The following FRK variants were observed in gnomAD, a reference collection of about 807,000 sequenced individuals.
FRK encodes the protein fyn related Src family tyrosine kinase, also known as tyrosine-protein kinase FRK.
A neutral mutation model predicts 56.4 loss-of-function variants in FRK; 51 were observed. That is an observed-to-expected ratio of 0.90 (90% CI 0.72 to 1.14). The LOEUF is 1.14. FRK is among the 50% of genes most tolerant of loss of function. FRK has a pLI of 0.00. For missense variants in FRK, 570 were observed against 601.4 expected (o/e 0.95, Z 0.55); for synonymous variants, 245 against 217.9 (o/e 1.12, Z -1.10).
At chr6:116,043,463 T>C (rs1490863353) in intron 1 of FRK, among the ~76,000 whole-genome samples, 1 of 152,246 alleles carries the variant, frequency 6.6e-6, no homozygotes, top group Admixed American at 6.5e-5. Context: ...ACATGGAAAC[T>C]GAACAACCTG....
the FRK span, among the ~76,000 whole-genome samples, chr6:116,072,318 G>C: frequency 6.6e-6 from 1 of 152,112 alleles, no homozygotes; most frequent in Middle Eastern, 3.4e-3. Flanking sequence ...ATCTGAGGAT[G>C]GGGTAAAAAA....
intron 1 of FRK, among the ~76,000 whole-genome samples, chr6:116,020,367 C>G (rs920732708): frequency 1.1e-4 from 17 of 152,154 alleles, no homozygotes; most frequent in African/African-American, 4.1e-4. Context: ...TCTTGGCTCA[C>G]TGCAACCTCC....
chr6:115,944,716 A>T (rs1056964720), intron 5 of FRK, among the ~76,000 whole-genome samples: 2 of 152,074 alleles, frequency 1.3e-5, no homozygotes, highest in African/African-American at 2.4e-5. Flanking sequence ...TTTCTTTTTT[A>T]AAAAATTTAT....
chr6:115,983,921 TC>T (rs1185245738), intron 2 of FRK, among the ~76,000 whole-genome samples: 2 of 152,144 alleles, frequency 1.3e-5, no homozygotes, highest in Non-Finnish European at 2.9e-5. Flanking sequence ...ATAACAGAAT[TC>T]TCCACTGCAT....
intron 2 of FRK, among the ~76,000 whole-genome samples, chr6:115,989,150 C>T (rs943969417): frequency 1.3e-5 from 2 of 151,758 alleles, no homozygotes; most frequent in African/African-American, 4.8e-5. Context: ...TTTATCATGG[C>T]CAAATTGATA....
chr6:115,989,523 TGTAA>T (rs1774512850), intron 2 of FRK, among the ~76,000 whole-genome samples: 1 of 151,936 alleles, frequency 6.6e-6, no homozygotes, highest in Non-Finnish European at 1.5e-5. Flanking sequence ...AACTTCCACT[TGTAA>T]GTGAGAACAT....
intron 1 of FRK, among the ~76,000 whole-genome samples, chr6:116,008,481 T>C (rs1775337709): frequency 6.6e-6 from 1 of 152,246 alleles, no homozygotes; most frequent in Non-Finnish European, 1.5e-5. Context: ...GTTTTCTGCA[T>C]GTAGTGGCAT....
the FRK span, among the ~76,000 whole-genome samples, chr6:116,094,653 A>G: frequency 1.3e-5 from 2 of 152,266 alleles, no homozygotes; most frequent in Non-Finnish European, 1.5e-5. Flanking sequence ...TGGCAGTCTT[A>G]CACTACCAAA....
chr6:116,044,485 C>A (rs1776859827), intron 1 of FRK, among the ~76,000 whole-genome samples: 1 of 152,186 alleles, frequency 6.6e-6, no homozygotes, highest in Non-Finnish European at 1.5e-5. Context: ...ACAAAAACTA[C>A]ATGATTATCT....
At chr6:115,946,148 A>G (rs1218186984) in intron 5 of FRK, among the ~76,000 whole-genome samples, 1 of 152,148 alleles carries the variant, frequency 6.6e-6, no homozygotes, top group East Asian at 1.9e-4. Context: ...AATAAGCTGA[A>G]TACTACATAA....
the FRK span, among the ~76,000 whole-genome samples, chr6:116,098,932 C>T: frequency 1.3e-5 from 2 of 152,126 alleles, no homozygotes; most frequent in Non-Finnish European, 2.9e-5. Flanking sequence ...AGAAAGAGTA[C>T]AAGCCTCTAG....
chr6:116,013,227 G>A (rs1358517426), intron 1 of FRK, among the ~76,000 whole-genome samples: 2 of 152,120 alleles, frequency 1.3e-5, no homozygotes, highest in African/African-American at 4.8e-5. Flanking sequence ...ACTTCCCTGA[G>A]TCTGGTAATC....
intron 7 of FRK, 146 bp downstream of exon 7, chr6:115,942,873 CA>C: frequency 1.2e-6 from 1 of 808,186 alleles, no homozygotes; most frequent in South Asian, 1.9e-5. Flanking sequence ...TGCAAATTAT[CA>C]TCATCAAATT....
intron 2 of FRK, among the ~76,000 whole-genome samples, chr6:115,978,141 A>G (rs1774054876): frequency 6.6e-6 from 1 of 152,174 alleles, no homozygotes; most frequent in Non-Finnish European, 1.5e-5. Context: ...CCAGGAATTA[A>G]CATACTTGGA....
At chr6:116,062,222 C>CTT, upstream of FRK, among the ~76,000 whole-genome samples, 1 of 152,082 alleles carries the variant, frequency 6.6e-6, no homozygotes, top group East Asian at 1.9e-4. Context: ...AAGCCAAAAG[C>CTT]TGAGCCAAAT....
At chr6:115,950,485 G>A (rs1167888674) in intron 5 of FRK, among the ~76,000 whole-genome samples, 2 of 152,224 alleles carry the variant, frequency 1.3e-5, no homozygotes, top group Admixed American at 6.5e-5. Context: ...TGTCATGTCA[G>A]TTAGAATGGG....
rs759112703 is a variant in FRK at position 116,003,958 on chromosome 6, G to A, written c.385C>T (p.Gln129Ter). ...GTCTTGTTTTCTGAATATAATAGTT[G>A]TTTCTCTGCATCTGATCTTCCGATT... is the stretch of plus-strand genomic sequence containing the variant. ...GAIGRSDAEK[Q>*]LLYSENKTGS... Residue 129 changes from glutamine to a stop codon, truncating the protein, a stop_gained, in exon 2 of 8, where the codon CAA becomes TAA. Coordinates refer to ENST00000606080, the MANE Select transcript of FRK (RefSeq NM_002031.3). LOFTEE classifies it high-confidence loss of function. 41 of 1,612,812 alleles carry A rather than the reference G, an allele frequency of 2.5e-5. No individual in the cohort carries two copies. The highest frequency in any genetic ancestry group is 3.3e-5 in the Non-Finnish European group (39 of 1,179,228).
chr6:115,936,704 A>G lies in FRK; in HGVS notation c.*5710T>C, dbSNP rs1315812207. On this transcript the variant is annotated 3_prime_UTR_variant, in exon 8 of 8. Transcript: ENST00000606080. ...TACACAATTATCAATAGCCAAGTCGATAAAGCACAAGAAAGGATATCAAAG... is the reference window on the plus strand; with the variant it reads ...TACACAATTATCAATAGCCAAGTCGGTAAAGCACAAGAAAGGATATCAAAG... The G allele has an allele frequency of 6.6e-6, 1 of 152,270 alleles. No homozygotes were observed. 9.4% of individuals were successfully genotyped at this position (152,270 alleles called of 1,614,324 possible). A position where few individuals can be genotyped will look rare whatever the true frequency, so the allele number is the denominator to read the frequency against.
At chr6:116,078,791 T>A in the FRK span, among the ~76,000 whole-genome samples, 3 of 152,220 alleles carry the variant, frequency 2.0e-5, no homozygotes, top group African/African-American at 7.2e-5. Context: ...TTTACAGAAT[T>A]CAACTTCCTT....
Sources: allele counts gnomAD v4.1 joint callset (sites outside exome capture counted in the v4.1 genomes callset), GRCh38; gene constraint gnomAD v4.1.1; transcripts MANE v1.5; gene names NCBI Gene and HGNC (gene_info 2026-07-23, HGNC 2026-07-21).